Variants in CSMD1 observed in about 807,000 individuals in gnomAD.
CSMD1 encodes CUB and Sushi multiple domains 1.
Under a neutral mutation model 417.5 loss-of-function variants are expected in CSMD1, and 213 were observed. The observed-to-expected ratio is 0.51, with a 90% CI of 0.46 to 0.57. CSMD1 has a LOEUF of 0.57. Among genes scored for constraint, CSMD1 ranks in the 20% least tolerant of loss-of-function variants. The pLI is 0.00. For synonymous variants in CSMD1, 2,862 were observed against 1,736.8 expected (o/e 1.65, Z -16.11); for missense variants, 6,923 against 4,529.7 (o/e 1.53, Z -15.17).
At chr8:3,681,488 T>G (rs1438441728) in intron 7 of CSMD1, among the ~76,000 whole-genome samples, 12 of 152,148 alleles carry the variant, frequency 7.9e-5, no homozygotes, top group African/African-American at 2.9e-4. Context: ...ACAAGGGATG[T>G]GAAGGACCTC....
intron 8 of CSMD1, among the ~76,000 whole-genome samples, chr8:3,594,306 G>A (rs1018703945): frequency 2.0e-5 from 3 of 152,044 alleles, no homozygotes; most frequent in Non-Finnish European, 4.4e-5. Context: ...AAATTGCTAT[G>A]GGAATATTAA....
At chr8:3,334,093 C>G (rs138533491) in intron 23 of CSMD1, among the ~76,000 whole-genome samples, 3 of 152,148 alleles carry the variant, frequency 2.0e-5, no homozygotes, top group African/African-American at 7.2e-5. Context: ...CTATATGAGA[C>G]GCACACAGAG....
At position 4,310,059 on chromosome 8, in the gene CSMD1, A is replaced by T. The variant is rs558755244; in HGVS notation, c.415+109894T>A. Among the ~76,000 whole-genome samples the T allele has an allele frequency of 2.0e-5, 3 of 152,308 alleles. No homozygotes were observed. The South Asian group carries it at 6.2e-4, about 32-fold the overall frequency. ...AAGACAGAGGGTAATGGAAAGATGA[A>T]GTATCAGGAATGCTAAGGTCTGCAA... is the stretch of plus-strand genomic sequence containing the variant. On this transcript the variant is annotated intron_variant, in intron 3 of 69. Transcript: ENST00000635120.
chr8:4,985,653 C>T (rs113631520), intron 1 of CSMD1, among the ~76,000 whole-genome samples: 1 of 152,186 alleles, frequency 6.6e-6, no homozygotes, highest in African/African-American at 2.4e-5. Context: ...CTAACAGTAA[C>T]AAGATGACTA....
intron 25 of CSMD1, among the ~76,000 whole-genome samples, chr8:3,292,954 G>C (rs1803687808): frequency 6.6e-6 from 1 of 152,240 alleles, no homozygotes; most frequent in African/African-American, 2.4e-5. Flanking sequence ...TGATTTTGCA[G>C]TGGCTGGTAC....
intron 1 of CSMD1, among the ~76,000 whole-genome samples, chr8:4,668,274 C>T (rs1362896001): frequency 6.6e-6 from 1 of 151,920 alleles, no homozygotes; most frequent in Admixed American, 6.6e-5. Context: ...ATCTCATCCA[C>T]GTTTGTAGGC....
chr8:3,130,157 C>T (rs902613152), intron 41 of CSMD1, among the ~76,000 whole-genome samples: 1 of 152,028 alleles, frequency 6.6e-6, no homozygotes, highest in Non-Finnish European at 1.5e-5. Flanking sequence ...AGATCATGCT[C>T]ATTAAAAATG....
At chr8:4,247,621 C>G (rs542495035) in intron 3 of CSMD1, among the ~76,000 whole-genome samples, 84 of 152,192 alleles carry the variant, frequency 5.5e-4, no homozygotes, top group African/African-American at 2.0e-3. Context: ...AGGAGAAGAG[C>G]AGAGGTAGAT....
chr8:3,670,074 T>A (rs1316638169), intron 7 of CSMD1, among the ~76,000 whole-genome samples: 3 of 152,064 alleles, frequency 2.0e-5, no homozygotes, highest in African/African-American at 7.2e-5. Context: ...TAATACTGAG[T>A]GTCAACTTGA....
intron 2 of CSMD1, among the ~76,000 whole-genome samples, chr8:4,444,211 A>G (rs868793580): frequency 6.6e-6 from 1 of 151,832 alleles, no homozygotes; most frequent in Non-Finnish European, 1.5e-5. Context: ...GCATGGTGGC[A>G]CAGACCTGTG....
At chr8:3,327,317 T>C (rs140316519) in intron 23 of CSMD1, among the ~76,000 whole-genome samples, 51 of 152,180 alleles carry the variant, frequency 3.4e-4, no homozygotes, top group African/African-American at 1.0e-3. Context: ...TAATTTTTTG[T>C]AGAGATGGGG....
At chr8:4,806,408 G>A (rs184067671) in intron 1 of CSMD1, among the ~76,000 whole-genome samples, 2 of 152,066 alleles carry the variant, frequency 1.3e-5, no homozygotes, top group Non-Finnish European at 2.9e-5. Flanking sequence ...AAAGTTCTTT[G>A]CCATAAAAGT....
chr8:4,056,311 G>A (rs1798687481), intron 3 of CSMD1, among the ~76,000 whole-genome samples: 1 of 151,434 alleles, frequency 6.6e-6, no homozygotes, highest in East Asian at 1.9e-4. Context: ...TCAAACTCCT[G>A]ACCTTAGGTG....
intron 1 of CSMD1, among the ~76,000 whole-genome samples, chr8:4,932,106 G>C (rs549372053): frequency 1.3e-5 from 2 of 152,194 alleles, no homozygotes; most frequent in African/African-American, 4.8e-5. Context: ...ATTTTCATTT[G>C]GAATCTTTCA....
chr8:4,630,246 CAAAT>C (rs980623824), intron 2 of CSMD1, among the ~76,000 whole-genome samples: 27 of 148,842 alleles, frequency 1.8e-4, no homozygotes, highest in African/African-American at 6.8e-4. Flanking sequence ...TTTTTCTTAA[CAAAT>C]AAGCACACAG....
intron 2 of CSMD1, among the ~76,000 whole-genome samples, chr8:4,582,513 G>C (rs937291703): frequency 2.0e-5 from 3 of 152,178 alleles, no homozygotes; most frequent in African/African-American, 4.8e-5. Context: ...GAGAAACTAA[G>C]TCCTGTAGTC....
chr8:4,278,445 C>G (rs150734010), intron 3 of CSMD1, among the ~76,000 whole-genome samples: 7 of 152,254 alleles, frequency 4.6e-5, no homozygotes, highest in African/African-American at 1.4e-4. Context: ...GCTGCTATAG[C>G]TATATAAAAT....
chr8:4,993,459 T>G (rs2117490382), intron 1 of CSMD1, among the ~76,000 whole-genome samples: 1 of 140,586 alleles, frequency 7.1e-6, no homozygotes, highest in Middle Eastern at 3.9e-3. Context: ...AATAAACAAG[T>G]ACACAAGCTA....
chr8:3,726,550 T>C (rs7845198), intron 6 of CSMD1, among the ~76,000 whole-genome samples: 3,179 of 152,294 alleles, frequency 0.021, 91 homozygotes, highest in African/African-American at 0.073. Context: ...TCCAGTGTTT[T>C]TGAATCTTCA....
Sources: gnomAD v4.1 joint callset for allele counts (sites outside exome capture counted in the v4.1 genomes callset) on GRCh38, gnomAD v4.1.1 for gene constraint, MANE v1.5 for transcripts, NCBI Gene and HGNC (gene_info 2026-07-23, HGNC 2026-07-21) for gene names.